Variants in SEMA3A observed in about 807,000 individuals in gnomAD.
SEMA3A encodes semaphorin 3A.
SEMA3A carries 29 observed loss-of-function variants against 97.9 expected under a neutral mutation model. The observed-to-expected ratio is 0.30, with a 90% CI of 0.22 to 0.40. The LOEUF is 0.40. Among genes scored for constraint, SEMA3A ranks in the 10% least tolerant of loss-of-function variants. The probability of loss-of-function intolerance (pLI) is 1.00; values close to 1 mark genes in which losing one functional copy is unlikely to be tolerated. For missense variants in SEMA3A, 763 were observed against 951.3 expected (o/e 0.80, Z 2.60); for synonymous variants, 321 against 323.7 (o/e 0.99, Z 0.09).
At chr7:84,115,258 A>C (rs1212605232) in intron 3 of SEMA3A, among the ~76,000 whole-genome samples, 1 of 152,046 alleles carries the variant, frequency 6.6e-6, no homozygotes, top group South Asian at 2.1e-4. Flanking sequence ...ATATGATTAA[A>C]CTAAATGAAG....
chr7:84,402,050 G>A (rs1452407188), intron 1 of SEMA3A, among the ~76,000 whole-genome samples: 2 of 152,128 alleles, frequency 1.3e-5, no homozygotes, highest in Non-Finnish European at 2.9e-5. Flanking sequence ...AATGAAGAAA[G>A]TGAAGAGACA....
At chr7:84,101,264 TC>T (rs1794951078) in intron 4 of SEMA3A, among the ~76,000 whole-genome samples, 1 of 133,882 alleles carries the variant, frequency 7.5e-6, no homozygotes, top group African/African-American at 2.5e-5. Flanking sequence ...TCATGAAATG[TC>T]ATGGATAACA....
intron 1 of SEMA3A, among the ~76,000 whole-genome samples, chr7:84,168,846 T>C (rs1584073233): frequency 6.6e-6 from 1 of 151,962 alleles, no homozygotes; most frequent in Admixed American, 6.6e-5. Context: ...ACAATTATCT[T>C]CAGTATCTAA....
At chr7:84,243,911 G>C (rs1319865149) in intron 3 of SEMA3A, among the ~76,000 whole-genome samples, 2 of 152,134 alleles carry the variant, frequency 1.3e-5, no homozygotes, top group Non-Finnish European at 2.9e-5. Flanking sequence ...GTGTGGTTTT[G>C]AGTGAGTTTC....
intron 2 of SEMA3A, among the ~76,000 whole-genome samples, chr7:84,328,675 T>C (rs572922225): frequency 1.3e-5 from 2 of 152,164 alleles, no homozygotes; most frequent in East Asian, 3.9e-4. Context: ...TGACTTTTAT[T>C]CATTTTGACT....
intron 15 of SEMA3A, among the ~76,000 whole-genome samples, chr7:83,963,846 T>C (rs530444821): frequency 6.6e-6 from 1 of 152,338 alleles, no homozygotes; most frequent in African/African-American, 2.4e-5. Flanking sequence ...CTAATATTTA[T>C]CTAGCATTTT....
intron 15 of SEMA3A, among the ~76,000 whole-genome samples, chr7:83,968,906 G>A (rs1305665245): frequency 4.8e-5 from 7 of 146,700 alleles, no homozygotes; most frequent in Admixed American, 7.0e-5. Context: ...CGCCTCCCAG[G>A]TTCAAACAAT....
chr7:84,086,558 T>A (rs55654094), intron 4 of SEMA3A, among the ~76,000 whole-genome samples: 65 of 47,924 alleles, frequency 1.4e-3, no homozygotes, highest in African/African-American at 2.8e-3. Context: ...ATATAATATA[T>A]TATTATATTA....
At chr7:84,438,806 G>T (rs924272370) in intron 1 of SEMA3A, among the ~76,000 whole-genome samples, 1 of 151,776 alleles carries the variant, frequency 6.6e-6, no homozygotes, top group Admixed American at 6.6e-5. Flanking sequence ...CACAGTCCTT[G>T]GAAGCCCATA....
Position 83,957,258 on chromosome 7 carries a change from T to A in SEMA3A, c.*4113A>T, listed in dbSNP as rs1788307939. ...TGCTGGATTAGATGATGATAAGTCATCTCGCTCTGTTTCCTTAATTTCATT... is the reference window on the plus strand; with the variant it reads ...TGCTGGATTAGATGATGATAAGTCAACTCGCTCTGTTTCCTTAATTTCATT... On this transcript the variant is annotated 3_prime_UTR_variant, in exon 17 of 17. Coordinates refer to ENST00000265362, the MANE Select transcript of SEMA3A (RefSeq NM_006080.3). 6.7e-6 allele frequency: 1 copy of A among 148,666 alleles called. No homozygotes were observed. The highest frequency in any genetic ancestry group is 6.6e-5 in the Admixed American group (1 of 15,072). 9.2% of individuals were successfully genotyped at this position (148,666 alleles called of 1,614,324 possible).
At chr7:84,391,867 G>A in intron 1 of SEMA3A, among the ~76,000 whole-genome samples, 1 of 151,738 alleles carries the variant, frequency 6.6e-6, no homozygotes, top group East Asian at 1.9e-4. Context: ...CAGCTACTTG[G>A]GAGGCTGAGG....
intron 1 of SEMA3A, among the ~76,000 whole-genome samples, chr7:84,147,376 G>A (rs1025369890): frequency 6.6e-6 from 1 of 152,154 alleles, no homozygotes; most frequent in East Asian, 1.9e-4. Flanking sequence ...ACATTTTGGG[G>A]AGGAAAAAAG....
intron 3 of SEMA3A, among the ~76,000 whole-genome samples, chr7:84,216,944 A>G (rs1798767295): frequency 6.6e-6 from 1 of 152,154 alleles, no homozygotes. Context: ...ACATTGATTC[A>G]CTTTCCCCCC....
At chr7:84,262,676 T>G (rs1799887318) in intron 3 of SEMA3A, among the ~76,000 whole-genome samples, 1 of 152,246 alleles carries the variant, frequency 6.6e-6, no homozygotes, top group Admixed American at 6.5e-5. Flanking sequence ...CTTATAGATA[T>G]ATGGGTGACA....
rs369821909 is a variant in SEMA3A, at chr7:84,405,725, C to A, written c.-245-33825G>T. ...AGACCACAGTGCAATCAAACTAGAA[C>A]TCAGGATTAAGAAACTCACTCAAAA... is the stretch of plus-strand genomic sequence containing the variant. On this transcript the variant is annotated intron_variant, in intron 1 of 3. Coordinates refer to the SEMA3A transcript ENST00000424555. 3.9e-5 allele frequency among the ~76,000 whole-genome samples: 6 copies of A among 152,262 alleles called. No individual in the cohort carries two copies. In the East Asian group the frequency reaches 1.2e-3, roughly 29 times the overall value.
chr7:84,442,958 T>A (rs1156968113), intron 1 of SEMA3A, among the ~76,000 whole-genome samples: 1 of 152,056 alleles, frequency 6.6e-6, no homozygotes, highest in African/African-American at 2.4e-5. Context: ...TAGGAGGCCA[T>A]CAAAATATAT....
intron 1 of SEMA3A, among the ~76,000 whole-genome samples, chr7:84,145,896 A>G (rs1796449404): frequency 6.6e-6 from 1 of 152,142 alleles, no homozygotes; most frequent in African/African-American, 2.4e-5. Flanking sequence ...GTACTGTCTC[A>G]CTAACAGCAG....
chr7:84,176,292 A>C (rs1272347889), intron 1 of SEMA3A, among the ~76,000 whole-genome samples: 1 of 152,192 alleles, frequency 6.6e-6, no homozygotes, highest in African/African-American at 2.4e-5. Context: ...AACTTTGAAG[A>C]AAAGGACCAG....
Position 84,293,246 on chromosome 7 carries a change from T to C in SEMA3A, c.-83+13961A>G, listed in dbSNP as rs113498829. Among the ~76,000 whole-genome samples, 5 of 152,204 alleles carry C rather than the reference T, an allele frequency of 3.3e-5. 1 individual carries two copies. Among genetic ancestry groups the C allele is most frequent in the African/African-American group, 1.2e-4 (5 of 41,576 alleles). On this transcript the variant is annotated intron_variant, in intron 3 of 3. Coordinates refer to the SEMA3A transcript ENST00000424555. ...GCCTAGTTGTTTTATCCGTACCCTA[T>C]GCCATGGACTGACATAATTACCTAT...
Sources: gnomAD v4.1 joint callset for allele counts (sites outside exome capture counted in the v4.1 genomes callset) on GRCh38, gnomAD v4.1.1 for gene constraint, MANE v1.5 for transcripts, NCBI Gene and HGNC (gene_info 2026-07-23, HGNC 2026-07-21) for gene names.